Variants in PPP1R13B observed in about 807,000 individuals in gnomAD.
PPP1R13B encodes the protein apoptosis-stimulating of p53 protein 1.
A neutral mutation model predicts 119.8 loss-of-function variants in PPP1R13B; 44 were observed. The ratio of observed to expected loss-of-function variants is 0.37; its 90% CI spans 0.29 to 0.47. The LOEUF (loss-of-function observed/expected upper bound fraction) is 0.47, where lower values mean the gene tolerates loss of function less well. PPP1R13B is among the 20% of genes least tolerant of loss of function. The probability of loss-of-function intolerance (pLI) is 0.99; values close to 1 mark genes in which losing one functional copy is unlikely to be tolerated. For missense variants in PPP1R13B, 1,227 were observed against 1,413.5 expected, an observed-to-expected ratio of 0.87 and a Z score of 2.12; for synonymous variants, 542 against 561.5, an observed-to-expected ratio of 0.97 and a Z score of 0.49.
At chr14:103,761,797 A>G (rs923280505) in intron 4 of PPP1R13B, among the ~76,000 whole-genome samples, 1 of 152,078 alleles carries the variant, frequency 6.6e-6, no homozygotes, top group Non-Finnish European at 1.5e-5. Context: ...AAAAAGAAAC[A>G]CTAAATAATG....
In PPP1R13B at chr14:103,742,206, G is replaced by A. The variant is rs771056680; in HGVS notation, c.1406C>T (p.Thr469Ile). Residue 469 changes from threonine to isoleucine, a missense_variant, in exon 11 of 17, where the codon ACA becomes ATA. Thr to Ile is a moderately conservative substitution (Grantham distance 89, BLOSUM62 -1). Transcript: ENST00000202556. The surrounding 1 kb of genome is among the most constrained non-coding windows in gnomAD (Gnocchi z 4.9). Reference protein sequence around the residue: ...PPSYGTYPSPTPLGPGSTSSL... With the variant: ...PPSYGTYPSPIPLGPGSTSSL... ...GCTTGTCGACCCAGGACCCAGAGGT[G>A]TAGGACTTGGGTATGTCCCATAGCT... is the stretch of plus-strand genomic sequence containing the variant. The A allele has an allele frequency of 1.2e-5, 19 of 1,602,656 alleles. No individual in the cohort carries two copies. The highest frequency in any genetic ancestry group is 1.7e-4 in the Middle Eastern group (1 of 6,052).
chr14:103,770,507 A>C (rs12437066), intron 4 of PPP1R13B, among the ~76,000 whole-genome samples: 87,952 of 151,684 alleles, frequency 0.58, 27,441 homozygotes, highest in African/African-American at 0.84. Context: ...ACAGCAAGAC[A>C]CTGTCTTAAA....
chr14:103,790,492 A>G (rs1274712627), intron 2 of PPP1R13B, among the ~76,000 whole-genome samples: 1 of 151,884 alleles, frequency 6.6e-6, no homozygotes, highest in Non-Finnish European at 1.5e-5. Flanking sequence ...CCTACAAAAG[A>G]GGCCCAAGAC....
At chr14:103,813,835 A>T (rs2086215803) in intron 1 of PPP1R13B, among the ~76,000 whole-genome samples, 1 of 152,186 alleles carries the variant, frequency 6.6e-6, no homozygotes, top group Non-Finnish European at 1.5e-5. Context: ...AAAGTTTGAA[A>T]GATACTACTC....
chr14:103,821,179 C>T (rs1384970652), intron 1 of PPP1R13B, among the ~76,000 whole-genome samples: 1 of 152,194 alleles, frequency 6.6e-6, no homozygotes, highest in Non-Finnish European at 1.5e-5. Flanking sequence ...AAAATCCAGG[C>T]TGATTCTCAT....
chr14:103,774,267 A>C (rs1045567374), intron 4 of PPP1R13B, among the ~76,000 whole-genome samples: 4 of 152,114 alleles, frequency 2.6e-5, no homozygotes, highest in African/African-American at 9.7e-5. Context: ...GCAAAAACTG[A>C]CTCAGATTTT....
At chr14:103,759,984 A>G (rs2084766683) in intron 4 of PPP1R13B, among the ~76,000 whole-genome samples, 1 of 152,218 alleles carries the variant, frequency 6.6e-6, no homozygotes, top group African/African-American at 2.4e-5. Context: ...ATGTAATGAA[A>G]TTTTATGGAA....
intron 1 of PPP1R13B, among the ~76,000 whole-genome samples, chr14:103,825,844 T>C (rs1394259398): frequency 1.0e-5 from 1 of 96,360 alleles, no homozygotes; most frequent in African/African-American, 6.8e-5. Context: ...ATTTTTTCTT[T>C]TCTTTTTTTT....
At chr14:103,752,534 CTTT>C (rs35277937) in intron 7 of PPP1R13B, among the ~76,000 whole-genome samples, 8 of 126,286 alleles carry the variant, frequency 6.3e-5, no homozygotes, top group Admixed American at 8.3e-5. Context: ...GAATTAGATC[CTTT>C]TTTTTTTTTT....
intron 4 of PPP1R13B, among the ~76,000 whole-genome samples, chr14:103,768,024 C>T (rs548321840): frequency 6.6e-6 from 1 of 152,104 alleles, no homozygotes; most frequent in Admixed American, 6.5e-5. Context: ...GCTTTTGTGT[C>T]TTTATTCTGT....
Position 103,740,548 on chromosome 14 carries a change from G to A in PPP1R13B, c.1868C>T (p.Pro623Leu), listed in dbSNP as rs765360125. Residue 623 changes from proline (P) to leucine (L), a missense_variant, in exon 12 of 17, where the codon CCG becomes CTG. Coordinates refer to ENST00000202556, the MANE Select transcript of PPP1R13B (RefSeq NM_015316.3). The surrounding 1 kb of genome is among the most constrained non-coding windows in gnomAD (Gnocchi z 4.6). ...CAGTGACCCGTGAAGAAACGGCAGC[G>A]GCGATGGAGAGGTTGAACCCGAAGG... ...VLPSGSTSPS[P>L]LPFLHGSLST... The A allele has an allele frequency of 1.3e-5, 20 of 1,562,242 alleles. No homozygotes were observed. The highest frequency in any genetic ancestry group is 3.5e-5 in the South Asian group (3 of 85,716).
chr14:103,810,472 T>C (rs2086124172), intron 1 of PPP1R13B, among the ~76,000 whole-genome samples: 2 of 150,930 alleles, frequency 1.3e-5, no homozygotes, highest in South Asian at 4.2e-4. Context: ...CCACTGTTCA[T>C]CAATATTGAA....
intron 1 of PPP1R13B, among the ~76,000 whole-genome samples, chr14:103,805,374 C>T (rs1477094721): frequency 6.6e-6 from 1 of 151,846 alleles, no homozygotes; most frequent in Admixed American, 6.6e-5. Flanking sequence ...AGTTCAAGAC[C>T]AGCCTGGGAA....
At chr14:103,786,190 G>A (rs1389016616) in intron 2 of PPP1R13B, among the ~76,000 whole-genome samples, 1 of 151,992 alleles carries the variant, frequency 6.6e-6, no homozygotes, top group East Asian at 1.9e-4. Context: ...ATAGGCATAT[G>A]CCACCATGCC....
intron 2 of PPP1R13B, 121 bp from the exon 3 acceptor site, chr14:103,785,035 CAA>C: frequency 2.4e-6 from 2 of 837,406 alleles, no homozygotes; most frequent in Non-Finnish European, 1.7e-6. Context: ...TGTTACAATT[CAA>C]AGATATTACA....
Position 103,742,526 on chromosome 14 carries a change from G to C in PPP1R13B, c.1320+128C>G, listed in dbSNP as rs978838810. ...GGCCCAGTAACCCTCTAGGACTTTG[G>C]GTGTTGTCTGGACAATAACAGGATT... On this transcript the variant is annotated intron_variant, in intron 10 of 16. Coordinates refer to ENST00000202556, the MANE Select transcript of PPP1R13B (RefSeq NM_015316.3). This position sits in a 1 kb window ranked among gnomAD's most constrained non-coding sequence, Gnocchi z 4.9. The C allele has an allele frequency of 3.3e-5, 45 of 1,356,036 alleles. No individual in the cohort carries two copies. The highest frequency in any genetic ancestry group is 5.4e-4 in the Middle Eastern group (2 of 3,712). The allele number at this position is 1,356,036 out of a possible 1,614,324, so 84.0% of individuals were successfully genotyped here. A position where few individuals can be genotyped will look rare whatever the true frequency, so the allele number is the denominator to read the frequency against.
intron 4 of PPP1R13B, among the ~76,000 whole-genome samples, chr14:103,770,214 A>AT (rs2085034789): frequency 6.6e-6 from 1 of 152,108 alleles, no homozygotes; most frequent in African/African-American, 2.4e-5. Context: ...AATTTTAATC[A>AT]TAAGACTTAT....
chr14:103,778,168 G>A (rs2085252539), intron 4 of PPP1R13B, among the ~76,000 whole-genome samples: 1 of 151,356 alleles, frequency 6.6e-6, no homozygotes, highest in African/African-American at 2.4e-5. Context: ...TGGCCAGCCT[G>A]GTCTTGAACT....
At chr14:103,790,245 C>A (rs1320992507) in intron 2 of PPP1R13B, among the ~76,000 whole-genome samples, 272 of 123,134 alleles carry the variant, frequency 2.2e-3, no homozygotes, top group Admixed American at 2.1e-3. Context: ...GACCCTGTCT[C>A]AAAAAAAAAA....
Sources: allele counts gnomAD v4.1 joint callset (sites outside exome capture counted in the v4.1 genomes callset), GRCh38; gene constraint gnomAD v4.1.1; non-coding constraint Gnocchi (gnomAD v3.1); transcripts MANE v1.5; gene names NCBI Gene and HGNC (gene_info 2026-07-23, HGNC 2026-07-21).